The following FSTL5 variants were observed in gnomAD, a reference collection of about 807,000 sequenced individuals.
The protein encoded by FSTL5 is follistatin-related protein 5.
FSTL5 carries 62 observed loss-of-function variants against 89.1 expected under a neutral mutation model. That is an observed-to-expected ratio of 0.70 (90% CI 0.57 to 0.86). The LOEUF (loss-of-function observed/expected upper bound fraction) is 0.86, where lower values mean the gene tolerates loss of function less well. Among genes scored for constraint, FSTL5 ranks in the 40% least tolerant of loss-of-function variants. The pLI is 0.00. For missense variants in FSTL5, 1,057 were observed against 1,001.6 expected (o/e 1.06, Z -0.75); for synonymous variants, 383 against 346.2 (o/e 1.11, Z -1.18).
chr4:161,746,933 C>T (rs905103669), intron 6 of FSTL5, among the ~76,000 whole-genome samples: 2 of 152,156 alleles, frequency 1.3e-5, no homozygotes, highest in African/African-American at 4.8e-5. Flanking sequence ...CAGAAAAGCA[C>T]CTGTCCTCTT....
chr4:161,670,249 C>T (rs1370430978), intron 6 of FSTL5, among the ~76,000 whole-genome samples: 1 of 152,090 alleles, frequency 6.6e-6, no homozygotes, highest in African/African-American at 2.4e-5. Context: ...ATTTGTCAGA[C>T]AGGATAAAGC....
At chr4:161,839,585 T>A (rs759241804) in intron 4 of FSTL5, among the ~76,000 whole-genome samples, 8 of 152,284 alleles carry the variant, frequency 5.3e-5, no homozygotes, top group Non-Finnish European at 1.2e-4. Context: ...ATATATTAAA[T>A]AAAATAATTC....
At chr4:161,542,003 G>T (rs935633981) in intron 9 of FSTL5, among the ~76,000 whole-genome samples, 9 of 151,654 alleles carry the variant, frequency 5.9e-5, no homozygotes, top group African/African-American at 2.2e-4. Context: ...TAGAAGATTA[G>T]AATATGTACA....
intron 8 of FSTL5, among the ~76,000 whole-genome samples, chr4:161,548,124 TC>T (rs1185366188): frequency 6.6e-6 from 1 of 151,876 alleles, no homozygotes; most frequent in African/African-American, 2.4e-5. Flanking sequence ...ATCCATCAAA[TC>T]TTTTTTCATT....
At chr4:161,809,341 C>T (rs759833798) in intron 4 of FSTL5, among the ~76,000 whole-genome samples, 5 of 152,070 alleles carry the variant, frequency 3.3e-5, no homozygotes, top group Middle Eastern at 3.2e-3. Flanking sequence ...TTGTCTAGGA[C>T]GTGAAGAAAT....
chr4:161,547,580 A>G (rs1732049481), intron 8 of FSTL5, among the ~76,000 whole-genome samples: 1 of 151,948 alleles, frequency 6.6e-6, no homozygotes, highest in African/African-American at 2.4e-5. Context: ...AATTTATCAG[A>G]ATACTAAAAT....
intron 4 of FSTL5, among the ~76,000 whole-genome samples, chr4:161,784,159 C>T (rs1275552528): frequency 1.3e-5 from 2 of 151,866 alleles, no homozygotes; most frequent in Non-Finnish European, 1.5e-5. Flanking sequence ...TGCTCTCGAA[C>T]TCCTGGCCTC....
Position 161,779,515 on chromosome 4 carries a change from T to C in FSTL5, c.410-3441A>G, listed in dbSNP as rs984851154. ...TCTTCCCAACAACCCAAAAAGAAAATCAATATGATTACTACCATTTTGCAG... is the reference window on the plus strand; with the variant it reads ...TCTTCCCAACAACCCAAAAAGAAAACCAATATGATTACTACCATTTTGCAG... On this transcript the variant is annotated intron_variant, in intron 4 of 15. Transcript: ENST00000306100. Among the ~76,000 whole-genome samples, 17 of 151,224 alleles carry C rather than the reference T, an allele frequency of 1.1e-4. No homozygotes were observed. In the South Asian group the frequency reaches 1.3e-3, roughly 11 times the overall value.
intron 4 of FSTL5, among the ~76,000 whole-genome samples, chr4:161,815,861 G>A (rs1730309450): frequency 6.6e-6 from 1 of 151,976 alleles, no homozygotes; most frequent in South Asian, 2.1e-4. Flanking sequence ...TGCTATTGAA[G>A]GATAGTTTGT....
chr4:161,708,886 G>A (rs1738679238), intron 6 of FSTL5, among the ~76,000 whole-genome samples: 1 of 152,120 alleles, frequency 6.6e-6, no homozygotes, highest in South Asian at 2.1e-4. Flanking sequence ...TTACAAAACA[G>A]TCCAATAATA....
intron 7 of FSTL5, among the ~76,000 whole-genome samples, chr4:161,636,513 C>A (rs939267452): frequency 7.0e-6 from 1 of 142,650 alleles, no homozygotes; most frequent in South Asian, 2.2e-4. Context: ...GCACATTGCG[C>A]AGGTTAGTTA....
At chr4:162,086,573 T>C (rs1730330260) in intron 2 of FSTL5, among the ~76,000 whole-genome samples, 1 of 152,030 alleles carries the variant, frequency 6.6e-6, no homozygotes, top group Non-Finnish European at 1.5e-5. Flanking sequence ...TGATGCCATC[T>C]AAAATGTTTT....
At chr4:161,944,749 G>T (rs868019926) in intron 3 of FSTL5, among the ~76,000 whole-genome samples, 44 of 151,736 alleles carry the variant, frequency 2.9e-4, no homozygotes, top group African/African-American at 9.9e-4. Context: ...TAAGACAATG[G>T]TGTAATTTTT....
chr4:161,656,012 T>C (rs1736500666), intron 7 of FSTL5, among the ~76,000 whole-genome samples: 1 of 152,128 alleles, frequency 6.6e-6, no homozygotes, highest in African/African-American at 2.4e-5. Context: ...TAGGAATAAA[T>C]CCTACATGTG....
chr4:162,117,421 T>C (rs1471825340), intron 1 of FSTL5, among the ~76,000 whole-genome samples: 1 of 152,172 alleles, frequency 6.6e-6, no homozygotes, highest in Non-Finnish European at 1.5e-5. Context: ...TAGCTAAGCA[T>C]TGGGATATAG....
chr4:161,938,086 C>G (rs982162165), intron 3 of FSTL5, among the ~76,000 whole-genome samples: 2 of 152,054 alleles, frequency 1.3e-5, no homozygotes, highest in Non-Finnish European at 2.9e-5. Context: ...AAGTAGATCC[C>G]TTTCACCACC....
chr4:161,406,496 G>A (rs1578949169), intron 15 of FSTL5, among the ~76,000 whole-genome samples: 1 of 152,096 alleles, frequency 6.6e-6, no homozygotes, highest in South Asian at 2.1e-4. Context: ...TGCTGTTTGG[G>A]GGATGAAATT....
At chr4:161,833,850 G>A (rs1037690420) in intron 4 of FSTL5, among the ~76,000 whole-genome samples, 1 of 151,852 alleles carries the variant, frequency 6.6e-6, no homozygotes, top group South Asian at 2.1e-4. Context: ...GCCAGTCTGT[G>A]TCTTTTAATT....
intron 10 of FSTL5, among the ~76,000 whole-genome samples, chr4:161,511,706 T>C (rs1053499955): frequency 1.3e-5 from 2 of 152,070 alleles, no homozygotes; most frequent in Non-Finnish European, 2.9e-5. Flanking sequence ...ACAAATCTTA[T>C]TCTCAAGGAG....
Sources: allele counts gnomAD v4.1 joint callset (sites outside exome capture counted in the v4.1 genomes callset), GRCh38; gene constraint gnomAD v4.1.1; transcripts MANE v1.5; gene names NCBI Gene and HGNC (gene_info 2026-07-23, HGNC 2026-07-21).